Variants in METTL15 observed in about 807,000 individuals in gnomAD.
The protein encoded by METTL15 is methyltransferase 15, mitochondrial 12S rRNA N4-cytidine.
A neutral mutation model predicts 38.3 loss-of-function variants in METTL15; 34 were observed. The ratio of observed to expected loss-of-function variants is 0.89; its 90% confidence interval spans 0.68 to 1.18. METTL15 has a LOEUF of 1.18. METTL15 is among the 50% of genes most tolerant of loss of function. The pLI is 0.00. For synonymous variants in METTL15, 162 were observed against 170.9 expected (o/e 0.95, Z 0.41); for missense variants, 438 against 498.4 (o/e 0.88, Z 1.15).
At chr11:28,209,310 C>G (rs1450632527) in intron 3 of METTL15, among the ~76,000 whole-genome samples, 1 of 151,860 alleles carries the variant, frequency 6.6e-6, no homozygotes, top group Non-Finnish European at 1.5e-5. Context: ...ATGGTTTTGC[C>G]TTGGAAAAAA....
intron 6 of METTL15, among the ~76,000 whole-genome samples, chr11:28,482,296 A>G (rs1291721878): frequency 1.3e-5 from 2 of 152,218 alleles, no homozygotes; most frequent in East Asian, 3.8e-4. Flanking sequence ...GAGATTGAAA[A>G]GCATACTTTG....
At chr11:28,185,310 TA>T (rs1851455188) in intron 3 of METTL15, among the ~76,000 whole-genome samples, 1 of 151,388 alleles carries the variant, frequency 6.6e-6, no homozygotes, top group African/African-American at 2.4e-5. Context: ...TTTTAAACAA[TA>T]TTTAATTTTT....
chr11:28,222,131 G>A (rs1485340525), intron 4 of METTL15, among the ~76,000 whole-genome samples: 2 of 152,188 alleles, frequency 1.3e-5, no homozygotes. Context: ...CTTTTGTTTA[G>A]CTATGCCCTG....
chr11:28,138,111 A>T (rs1849574934), intron 3 of METTL15, among the ~76,000 whole-genome samples: 1 of 131,238 alleles, frequency 7.6e-6, no homozygotes. Context: ...TGTGGAAAAC[A>T]AGGGATTTTT....
chr11:28,323,806 CAA>C (rs1458794797), intron 6 of METTL15, among the ~76,000 whole-genome samples: 13 of 152,214 alleles, frequency 8.5e-5, no homozygotes, highest in Middle Eastern at 3.4e-3. Flanking sequence ...ATAAAACTGT[CAA>C]GAGTCTTAAA....
At chr11:28,528,132 A>G (rs1049640295), downstream of METTL15, among the ~76,000 whole-genome samples, 1 of 152,220 alleles carries the variant, frequency 6.6e-6, no homozygotes, top group African/African-American at 2.4e-5. Context: ...TTCCCATGTT[A>G]AACCTGAGTT....
At chr11:28,150,219 T>C (rs1850032713) in intron 3 of METTL15, among the ~76,000 whole-genome samples, 1 of 151,974 alleles carries the variant, frequency 6.6e-6, no homozygotes, top group East Asian at 1.9e-4. Context: ...TAACTTTCAA[T>C]TTATTAGTTA....
At chr11:28,167,685 C>T (rs947362825) in intron 3 of METTL15, among the ~76,000 whole-genome samples, 1 of 150,558 alleles carries the variant, frequency 6.6e-6, no homozygotes, top group Non-Finnish European at 1.5e-5. Context: ...TCACAGAATC[C>T]CACAGTACGA....
At chr11:28,238,903 A>G (rs1017434908) in intron 4 of METTL15, among the ~76,000 whole-genome samples, 1 of 152,236 alleles carries the variant, frequency 6.6e-6, no homozygotes, top group African/African-American at 2.4e-5. Context: ...CACATAAGCC[A>G]TCAGCATCGT....
At chr11:28,267,860 A>T (rs990204200) in intron 4 of METTL15, among the ~76,000 whole-genome samples, 1 of 152,216 alleles carries the variant, frequency 6.6e-6, no homozygotes, top group Non-Finnish European at 1.5e-5. Context: ...GGATGAATTT[A>T]TATGATATTT....
chr11:28,265,593 A>G (rs529659260), intron 4 of METTL15, among the ~76,000 whole-genome samples: 1 of 152,156 alleles, frequency 6.6e-6, no homozygotes, highest in South Asian at 2.1e-4. Context: ...ATATCATGTC[A>G]ATCAATTTCA....
At chr11:28,427,876 G>A (rs1850879387) in intron 6 of METTL15, among the ~76,000 whole-genome samples, 2 of 152,164 alleles carry the variant, frequency 1.3e-5, no homozygotes, top group Admixed American at 6.5e-5. Flanking sequence ...AAGATAGTTT[G>A]ACTTCCTGTC....
intron 6 of METTL15, among the ~76,000 whole-genome samples, chr11:28,444,618 C>A (rs1018289269): frequency 6.6e-6 from 1 of 152,158 alleles, no homozygotes; most frequent in African/African-American, 2.4e-5. Flanking sequence ...AAATCACTTA[C>A]CATTTTTGAG....
Position 28,139,045 on chromosome 11 carries a change from A to C in METTL15, c.270+25441A>C, listed in dbSNP as rs553797998. 3.9e-5 allele frequency among the ~76,000 whole-genome samples: 6 copies of C among 152,278 alleles called. No individual in the cohort carries two copies. The South Asian group carries it at 1.0e-3, about 26-fold the overall frequency. On this transcript the variant is annotated intron_variant, in intron 3 of 6. Transcript: ENST00000407364. ...TCAACCGGTCTGCACAGGGAGAGGG[A>C]GGCCCGAAGTCCAGCTGTTAAGAAC...
chr11:28,208,760 A>G (rs1852486470), intron 3 of METTL15, among the ~76,000 whole-genome samples: 1 of 151,768 alleles, frequency 6.6e-6, no homozygotes, highest in African/African-American at 2.4e-5. Context: ...TGCAACTCCT[A>G]CAGATTTTAA....
In METTL15 at chr11:28,381,926, T is replaced by TTG. The variant is rs1850390749; in HGVS notation, c.*358+19895_*358+19896dup. ...ATGGTTTCCTGTTTCCTTTTTTTTT[T>TTG]TGTGTGGATGTACATTTATGTCTGC... On this transcript the variant is annotated intron_variant and NMD_transcript_variant, in intron 5 of 7. Transcript: ENST00000532947. Among the ~76,000 whole-genome samples, 4 of 151,952 alleles carry TTG rather than the reference T, an allele frequency of 2.6e-5. No homozygotes were observed. The South Asian group carries it at 8.3e-4, about 32-fold the overall frequency.
At chr11:28,151,731 T>C (rs1850096608) in intron 3 of METTL15, among the ~76,000 whole-genome samples, 2 of 152,088 alleles carry the variant, frequency 1.3e-5, no homozygotes, top group African/African-American at 4.8e-5. Flanking sequence ...TTTATATATT[T>C]CTAGCATTTA....
chr11:28,461,798 T>C (rs372864238), intron 6 of METTL15, among the ~76,000 whole-genome samples: 98 of 152,250 alleles, frequency 6.4e-4, no homozygotes, highest in African/African-American at 2.2e-3. Context: ...TATTATGTAG[T>C]GATCAAGTCA....
At chr11:28,241,204 T>G (rs2133904756) in intron 4 of METTL15, among the ~76,000 whole-genome samples, 1 of 152,176 alleles carries the variant, frequency 6.6e-6, no homozygotes, top group Non-Finnish European at 1.5e-5. Context: ...ATAGGTAAGT[T>G]TTCTAGTATG....
Sources: gnomAD v4.1 joint callset for allele counts (sites outside exome capture counted in the v4.1 genomes callset) on GRCh38, gnomAD v4.1.1 for gene constraint, MANE v1.5 for transcripts, NCBI Gene and HGNC (gene_info 2026-07-23, HGNC 2026-07-21) for gene names.